Variants in FYTTD1 observed in about 807,000 individuals in gnomAD.
The protein encoded by FYTTD1 is UAP56-interacting factor.
Under a neutral mutation model 40.9 loss-of-function variants are expected in FYTTD1, and 22 were observed. The observed-to-expected ratio is 0.54, with a 90% CI of 0.38 to 0.77. FYTTD1 has a LOEUF of 0.77. Among genes scored for constraint, FYTTD1 ranks in the 30% least tolerant of loss-of-function variants. The probability of loss-of-function intolerance (pLI) is 0.00; values close to 1 mark genes in which losing one functional copy is unlikely to be tolerated. For synonymous variants in FYTTD1, 140 were observed against 137.9 expected, an observed-to-expected ratio of 1.01 and a Z score of -0.10; for missense variants, 351 against 392.2, an observed-to-expected ratio of 0.90 and a Z score of 0.89.
intron 6 of FYTTD1, 106 bp downstream of exon 6, chr3:197,774,316 A>T (rs1234759902): frequency 2.1e-6 from 2 of 957,494 alleles, no homozygotes; most frequent in African/African-American, 1.6e-5. Flanking sequence ...GAAACCCAAA[A>T]TAAAATTCAG....
intron 1 of FYTTD1, 55 bp downstream of exon 1, chr3:197,750,129 C>G: frequency 1.5e-6 from 2 of 1,357,862 alleles, no homozygotes; most frequent in South Asian, 2.7e-5. Flanking sequence ...GGGTGGAAGC[C>G]GGCGGCGCGG....
intron 6 of FYTTD1, 27 bp downstream of exon 6, chr3:197,774,237 GT>G: frequency 6.3e-7 from 1 of 1,587,630 alleles, no homozygotes; most frequent in Non-Finnish European, 8.6e-7. Context: ...TTTTTAAGAT[GT>G]TATTTCAAAA....
chr3:197,780,126 C>T (rs1421131960), intron 8 of FYTTD1, among the ~76,000 whole-genome samples: 1 of 142,694 alleles, frequency 7.0e-6, no homozygotes, highest in East Asian at 2.1e-4. Context: ...TAGGCACACA[C>T]ATCAGCACAC....
At chr3:197,775,824 A>G (rs1729859349) in intron 6 of FYTTD1, among the ~76,000 whole-genome samples, 1 of 152,240 alleles carries the variant, frequency 6.6e-6, no homozygotes, top group African/African-American at 2.4e-5. Context: ...TGCAGTGAAC[A>G]ATATTTACAT....
intron 8 of FYTTD1, among the ~76,000 whole-genome samples, chr3:197,781,307 C>T (rs1238169985): frequency 6.8e-6 from 1 of 146,880 alleles, no homozygotes; most frequent in African/African-American, 2.5e-5. Flanking sequence ...GCCAGACTGT[C>T]TCAATAAAAA....
intron 2 of FYTTD1, among the ~76,000 whole-genome samples, chr3:197,764,870 G>A (rs1353717799): frequency 7.3e-5 from 11 of 150,854 alleles, no homozygotes; most frequent in Non-Finnish European, 1.5e-4. Context: ...TGGGGGGGGA[G>A]GATGGAGTCT....
intron 4 of FYTTD1, among the ~76,000 whole-genome samples, chr3:197,770,600 C>T (rs760525645): frequency 6.6e-6 from 1 of 152,198 alleles, no homozygotes; most frequent in Admixed American, 6.5e-5. Context: ...GGCTGGAGTG[C>T]AGTGGCGCCA....
intron 1 of FYTTD1, 199 bp downstream of exon 1, chr3:197,750,273 C>A: frequency 1.0e-6 from 1 of 954,526 alleles, no homozygotes. Context: ...CGCGAGGGAC[C>A]CGGGCGTCCC....
chr3:197,760,091 G>A (rs1729333477), intron 2 of FYTTD1, among the ~76,000 whole-genome samples: 1 of 151,728 alleles, frequency 6.6e-6, no homozygotes, highest in South Asian at 2.1e-4. Context: ...CGTATAGAAT[G>A]TTCCTCAGTG....
At position 197,783,058 on chromosome 3, in the gene FYTTD1, A is replaced by G. The variant is rs1730069781; in HGVS notation, c.*1149A>G. On this transcript the variant is annotated 3_prime_UTR_variant, in exon 9 of 9. Transcript: ENST00000241502. ...ACCTTTCACTGATTTCTTATATGGT[A>G]TAAATTAAAGTTCAGGCATTTATGG... 1 of 152,634 alleles carries G rather than the reference A, an allele frequency of 6.6e-6. No individual in the cohort carries two copies. The highest frequency in any genetic ancestry group is 6.6e-5 in the Admixed American group (1 of 15,266). The allele number at this position is 152,634 out of a possible 1,614,324, so 9.5% of individuals were successfully genotyped here.
chr3:197,753,839 A>G (rs1004620120), intron 1 of FYTTD1, among the ~76,000 whole-genome samples: 4 of 151,816 alleles, frequency 2.6e-5, no homozygotes, highest in African/African-American at 9.7e-5. Flanking sequence ...TCCCAGGTTC[A>G]CAACATTCTC....
chr3:197,771,266 G>A (rs1168887138), intron 4 of FYTTD1, among the ~76,000 whole-genome samples: 1 of 152,178 alleles, frequency 6.6e-6, no homozygotes, highest in East Asian at 1.9e-4. Flanking sequence ...AGTAGATGAA[G>A]TTGATGAGGT....
intron 2 of FYTTD1, among the ~76,000 whole-genome samples, chr3:197,766,135 C>T (rs1172857290): frequency 2.0e-5 from 3 of 149,732 alleles, no homozygotes; most frequent in Non-Finnish European, 4.4e-5. Flanking sequence ...TGCACTCCAG[C>T]CTGGGCAACA....
At chr3:197,774,471 G>A (rs1729812068) in intron 6 of FYTTD1, among the ~76,000 whole-genome samples, 2 of 152,158 alleles carry the variant, frequency 1.3e-5, no homozygotes, top group African/African-American at 4.8e-5. Context: ...ACCAGCCTGA[G>A]CAGCATAGCT....
chr3:197,778,529 A>G (rs1256548072), intron 8 of FYTTD1, 65 bp downstream of exon 8: 1 of 1,133,688 alleles, frequency 8.8e-7, no homozygotes, highest in African/African-American at 1.6e-5. Context: ...CAAAGTATTT[A>G]TTATAATAGT....
At chr3:197,751,641 TC>T (rs146876463) in intron 1 of FYTTD1, among the ~76,000 whole-genome samples, 2 of 134,532 alleles carry the variant, frequency 1.5e-5, no homozygotes, top group Non-Finnish European at 1.6e-5. Flanking sequence ...CCCCCCGCTC[TC>T]CCCCCCCGCA....
intron 2 of FYTTD1, among the ~76,000 whole-genome samples, chr3:197,765,375 A>G (rs1172144156): frequency 1.3e-5 from 2 of 152,152 alleles, no homozygotes; most frequent in Admixed American, 6.5e-5. Context: ...TCAGATTATC[A>G]TACAAATTAT....
At chr3:197,758,959 A>T (rs1193899164) in intron 2 of FYTTD1, among the ~76,000 whole-genome samples, 1 of 152,258 alleles carries the variant, frequency 6.6e-6, no homozygotes, top group African/African-American at 2.4e-5. Context: ...TTAGGCACTC[A>T]GTAAATACTT....
At chr3:197,749,752 A>C, upstream of FYTTD1, 1 of 590,336 alleles carries the variant, frequency 1.7e-6, no homozygotes, top group South Asian at 1.7e-5. Flanking sequence ...GCCTCGTCCG[A>C]TCCTGCGAGG....
Sources: gnomAD v4.1 joint callset for allele counts (sites outside exome capture counted in the v4.1 genomes callset) on GRCh38, gnomAD v4.1.1 for gene constraint, MANE v1.5 for transcripts, NCBI Gene and HGNC (gene_info 2026-07-23, HGNC 2026-07-21) for gene names.